The following THADA variants were observed in gnomAD, a reference collection of about 807,000 sequenced individuals.
THADA encodes THADA armadillo repeat containing.
A neutral mutation model predicts 219.8 loss-of-function variants in THADA; 213 were observed. The observed-to-expected ratio is 0.97, with a 90% CI of 0.87 to 1.09. The LOEUF (loss-of-function observed/expected upper bound fraction) is 1.09. Ranked by LOEUF, THADA falls within the 50% of genes least tolerant of loss-of-function variation. THADA has a pLI of 0.00. For missense variants in THADA, 2,956 were observed against 2,311.3 expected (o/e 1.28, Z -5.72); for synonymous variants, 1,018 against 828.9 (o/e 1.23, Z -3.92).
intron 26 of THADA, among the ~76,000 whole-genome samples, chr2:43,452,538 G>C (rs561395614): frequency 9.9e-5 from 15 of 152,046 alleles, no homozygotes; most frequent in African/African-American, 3.4e-4. Flanking sequence ...GCTGTGCCAG[G>C]CATCTTCTTA....
intron 4 of THADA, among the ~76,000 whole-genome samples, chr2:43,590,072 T>C (rs958757146): frequency 6.6e-6 from 1 of 152,240 alleles, no homozygotes; most frequent in Non-Finnish European, 1.5e-5. Flanking sequence ...GAAAGATAAA[T>C]ACCAAAACGG....
intron 28 of THADA, among the ~76,000 whole-genome samples, chr2:43,427,024 T>C (rs1188976380): frequency 1.3e-5 from 2 of 152,078 alleles, no homozygotes; most frequent in Non-Finnish European, 2.9e-5. Flanking sequence ...ACACAAGAAG[T>C]GGTAATAGGC....
intron 26 of THADA, among the ~76,000 whole-genome samples, chr2:43,467,342 CAAAT>C (rs1231299804): frequency 2.6e-5 from 4 of 152,074 alleles, no homozygotes; most frequent in East Asian, 1.9e-4. Flanking sequence ...AATGATGTAG[CAAAT>C]AAATAACCCA....
At chr2:43,350,402 A>G (rs1558622924) in intron 29 of THADA, among the ~76,000 whole-genome samples, 1 of 152,222 alleles carries the variant, frequency 6.6e-6, no homozygotes, top group Admixed American at 6.5e-5. Flanking sequence ...GTGGGAAGGC[A>G]AGAGAGAGAA....
chr2:43,413,204 T>C (rs563630241), intron 28 of THADA, among the ~76,000 whole-genome samples: 2 of 152,306 alleles, frequency 1.3e-5, no homozygotes, highest in Admixed American at 1.3e-4. Flanking sequence ...CCTCCCTCCC[T>C]TCCTTCTTTC....
At chr2:43,551,555 G>A (rs1186692554) in intron 19 of THADA, among the ~76,000 whole-genome samples, 1 of 150,176 alleles carries the variant, frequency 6.7e-6, no homozygotes, top group African/African-American at 2.5e-5. Context: ...TTACCCTGGG[G>A]TAGAAGGTAC....
intron 30 of THADA, among the ~76,000 whole-genome samples, chr2:43,330,114 T>C (rs1679788010): frequency 6.6e-6 from 1 of 152,210 alleles, no homozygotes; most frequent in African/African-American, 2.4e-5. Flanking sequence ...TTGAGTATTC[T>C]CTGCCTCTCC....
chr2:43,538,328 T>A (rs1393574696), intron 21 of THADA: 5 of 152,238 alleles, frequency 3.3e-5, no homozygotes, highest in African/African-American at 9.6e-5. Flanking sequence ...GGTCTCCACT[T>A]ACATCCCTCA....
At chr2:43,455,338 A>G (rs1032614139) in intron 26 of THADA, among the ~76,000 whole-genome samples, 17 of 152,016 alleles carry the variant, frequency 1.1e-4, no homozygotes, top group African/African-American at 3.9e-4. Context: ...TCTGTTCCCT[A>G]TATTACAGTA....
intron 15 of THADA, chr2:43,562,461 G>A (rs1268713700): frequency 6.6e-6 from 1 of 152,002 alleles, no homozygotes. Flanking sequence ...GGCCAGTCTG[G>A]TCTTAAACTC....
chr2:43,242,146 G>A (rs1668685607), intron 36 of THADA, among the ~76,000 whole-genome samples: 1 of 152,250 alleles, frequency 6.6e-6, no homozygotes, highest in Admixed American at 6.5e-5. Context: ...GGTGTTCACA[G>A]ATGCTGAGGG....
intron 26 of THADA, among the ~76,000 whole-genome samples, chr2:43,448,794 A>C (rs1468461562): frequency 6.6e-6 from 1 of 151,990 alleles, no homozygotes; most frequent in East Asian, 1.9e-4. Flanking sequence ...ACAATCAAAC[A>C]ACAAAAGTAA....
chr2:43,406,344 T>C (rs1176693190), intron 28 of THADA, among the ~76,000 whole-genome samples: 2 of 152,216 alleles, frequency 1.3e-5, no homozygotes, highest in Admixed American at 6.5e-5. Context: ...CTTAAATAAA[T>C]GAAAAGATGC....
At position 43,292,261 on chromosome 2, in the gene THADA, A is replaced by G. The variant is rs960167887; in HGVS notation, c.4819-39T>C. 3.9e-6 allele frequency: 5 copies of G among 1,295,792 alleles called. No homozygotes were observed. The African/African-American group carries it at 5.9e-5, about 15-fold the overall frequency. The allele number at this position is 1,295,792 out of a possible 1,614,324, so 80.3% of individuals were successfully genotyped here. On this transcript the variant is annotated intron_variant, in intron 32 of 37. Transcript: ENST00000405975. ...ATCCGCACACAAAAAAGAGAAATAA[A>G]TACTCAGGGAGATGTCTCTAGATGT...
In THADA at chr2:43,552,279, A is replaced by G. The variant is rs530439626; in HGVS notation, c.2735T>C (p.Leu912Pro). The change falls in exon 18 of 38, where the codon CTT (leucine) becomes CCT (proline). Residue 912 changes from leucine to proline, a missense_variant. Transcript: ENST00000405975. ...EEVSQAENSL[L>P]QAAAAFPMYG... Reference sequence around the variant, plus strand: ...CATTGGAAATGCTGCTGCTGCCTGAAGCAGAGAATTTTCAGCCTGAGATAC... The same window carrying G: ...CATTGGAAATGCTGCTGCTGCCTGAGGCAGAGAATTTTCAGCCTGAGATAC... 3.1e-6 allele frequency: 5 copies of G among 1,611,208 alleles called. No individual in the cohort carries two copies. In the South Asian group the frequency reaches 3.3e-5, roughly 11 times the overall value.
At chr2:43,478,141 T>C (rs1685760835) in intron 26 of THADA, among the ~76,000 whole-genome samples, 1 of 152,188 alleles carries the variant, frequency 6.6e-6, no homozygotes, top group East Asian at 1.9e-4. Flanking sequence ...ATAAACTACT[T>C]TTGTATATAC....
intron 36 of THADA, among the ~76,000 whole-genome samples, chr2:43,244,957 G>A (rs945962529): frequency 3.5e-4 from 54 of 152,254 alleles, no homozygotes; most frequent in African/African-American, 1.3e-3. Flanking sequence ...AGCCAGTGAC[G>A]GAGGCTTCCA....
intron 29 of THADA, among the ~76,000 whole-genome samples, chr2:43,347,235 G>C (rs777359325): frequency 4.6e-5 from 7 of 152,096 alleles, no homozygotes; most frequent in Non-Finnish European, 1.0e-4. Context: ...CATGGTAAAT[G>C]GCGTATAATA....
chr2:43,319,598 G>C (rs1186509383), intron 31 of THADA, among the ~76,000 whole-genome samples: 1 of 152,158 alleles, frequency 6.6e-6, no homozygotes, highest in Non-Finnish European at 1.5e-5. Context: ...AACATTGACA[G>C]CCTGAATGTA....
Sources: allele counts gnomAD v4.1 joint callset (sites outside exome capture counted in the v4.1 genomes callset), GRCh38; gene constraint gnomAD v4.1.1; transcripts MANE v1.5; gene names NCBI Gene and HGNC (gene_info 2026-07-23, HGNC 2026-07-21).